The following ARFIP1 variants were observed in gnomAD, a reference collection of about 807,000 sequenced individuals.
ARFIP1 encodes arfaptin-1.
Under a neutral mutation model 42.5 loss-of-function variants are expected in ARFIP1, and 24 were observed. That is an observed-to-expected ratio of 0.57 (90% confidence interval 0.41 to 0.80). The LOEUF is 0.80. Ranked by LOEUF, ARFIP1 falls within the 30% of genes least tolerant of loss-of-function variation. The pLI, the probability that ARFIP1 is intolerant of heterozygous loss-of-function variation, is 0.00. For missense variants in ARFIP1, 354 were observed against 434.0 expected (o/e 0.82, Z 1.64); for synonymous variants, 141 against 153.7 (o/e 0.92, Z 0.61).
chr4:152,847,690 G>T (rs952676939), intron 2 of ARFIP1, among the ~76,000 whole-genome samples: 4 of 152,036 alleles, frequency 2.6e-5, no homozygotes, highest in Admixed American at 6.5e-5. Context: ...TGTAGTATTT[G>T]TAATGGATGC....
chr4:152,857,291 G>C (rs1733522877), intron 2 of ARFIP1, among the ~76,000 whole-genome samples: 1 of 152,112 alleles, frequency 6.6e-6, no homozygotes, highest in East Asian at 1.9e-4. Context: ...AACCGAAGCA[G>C]GTTCTGAAAT....
chr4:152,872,739 T>C (rs953401016), intron 5 of ARFIP1, among the ~76,000 whole-genome samples, 175 bp downstream of exon 5: 1 of 152,214 alleles, frequency 6.6e-6, no homozygotes, highest in Non-Finnish European at 1.5e-5. Context: ...TCTTTGCATG[T>C]AATTTAAGAA....
intron 8 of ARFIP1, among the ~76,000 whole-genome samples, chr4:152,896,751 A>C (rs1737368197): frequency 6.7e-6 from 1 of 148,174 alleles, no homozygotes; most frequent in Non-Finnish European, 1.5e-5. Flanking sequence ...AAGTTAGCTA[A>C]AAAAAAAAAA....
intron 2 of ARFIP1, among the ~76,000 whole-genome samples, chr4:152,836,627 T>C (rs924729090): frequency 6.6e-6 from 1 of 152,204 alleles, no homozygotes; most frequent in African/African-American, 2.4e-5. Flanking sequence ...ATCTTGATAC[T>C]GGTAGTTTAT....
chr4:152,824,436 A>G (rs962954802), intron 1 of ARFIP1, among the ~76,000 whole-genome samples: 1 of 152,254 alleles, frequency 6.6e-6, no homozygotes, highest in African/African-American at 2.4e-5. Flanking sequence ...AATTAAAAAC[A>G]AAAATGGTAT....
At chr4:152,882,143 G>T (rs1735893128) in intron 6 of ARFIP1, among the ~76,000 whole-genome samples, 1 of 152,158 alleles carries the variant, frequency 6.6e-6, no homozygotes, top group Non-Finnish European at 1.5e-5. Context: ...CCAAGATGCA[G>T]TTTATTCAAA....
chr4:152,811,242 T>A (rs1729439436), intron 1 of ARFIP1, among the ~76,000 whole-genome samples: 1 of 152,100 alleles, frequency 6.6e-6, no homozygotes, highest in Non-Finnish European at 1.5e-5. Flanking sequence ...TTACTTAATT[T>A]CCTCAAGTAT....
At chr4:152,809,833 C>T (rs954870102) in intron 1 of ARFIP1, 1 of 152,120 alleles carries the variant, frequency 6.6e-6, no homozygotes, top group African/African-American at 2.4e-5. Flanking sequence ...AAGAAAATCA[C>T]CTATTACAAA....
chr4:152,803,728 T>C (rs1029571107), intron 1 of ARFIP1, among the ~76,000 whole-genome samples: 1 of 151,814 alleles, frequency 6.6e-6, no homozygotes, highest in Non-Finnish European at 1.5e-5. Context: ...GAGTAGGAGG[T>C]TCCTGGATGC....
chr4:152,891,986 G>A (rs751033645), intron 8 of ARFIP1, among the ~76,000 whole-genome samples: 8 of 152,106 alleles, frequency 5.3e-5, no homozygotes, highest in Non-Finnish European at 1.0e-4. Context: ...GGGATTACAG[G>A]CATGAGCCAC....
chr4:152,839,255 T>A (rs1731878610), intron 2 of ARFIP1, among the ~76,000 whole-genome samples: 1 of 152,172 alleles, frequency 6.6e-6, no homozygotes. Context: ...TTTGATTATG[T>A]CCTTTCCTGG....
chr4:152,829,756 A>G (rs1351906529), intron 2 of ARFIP1, 30 bp downstream of exon 2: 2 of 1,508,284 alleles, frequency 1.3e-6, no homozygotes, highest in Admixed American at 1.9e-5. Flanking sequence ...TCTTAATGCA[A>G]AGAATCATGG....
At chr4:152,854,455 A>G (rs1202738452) in intron 2 of ARFIP1, among the ~76,000 whole-genome samples, 1 of 152,028 alleles carries the variant, frequency 6.6e-6, no homozygotes, top group African/African-American at 2.4e-5. Flanking sequence ...TTCTTTTTCC[A>G]AGGTTTCCTG....
At chr4:152,793,372 T>G (rs1731248326) in intron 1 of ARFIP1, among the ~76,000 whole-genome samples, 1 of 149,658 alleles carries the variant, frequency 6.7e-6, no homozygotes, top group African/African-American at 2.4e-5. Context: ...TACCTATCTC[T>G]GTAATTCTCA....
rs190725162 is a variant in ARFIP1 at position 152,798,759 on chromosome 4, C to T, written c.-10+18533C>T. Among the ~76,000 whole-genome samples, 6 of 152,258 alleles carry T rather than the reference C, an allele frequency of 3.9e-5. No homozygotes were observed. The East Asian group carries it at 1.2e-3, about 29-fold the overall frequency. On this transcript the variant is annotated intron_variant, in intron 1 of 8. Coordinates refer to ENST00000353617, the MANE Select transcript of ARFIP1 (RefSeq NM_001025595.3). ...TATCTCTGTGATTAGATTCAGAGTG[C>T]TTTTAGAGCTGGAACTAGAGTTTAC... is the stretch of plus-strand genomic sequence containing the variant.
rs544467246 is a variant in ARFIP1, at chr4:152,856,412, T to C, written c.94-7194T>C. ...TTCAACCAACTGCACTGAAAATGTT[T>C]GGGGAAAATGAAATAAAATGAAAAA... is the stretch of plus-strand genomic sequence containing the variant. On this transcript the variant is annotated intron_variant, in intron 2 of 8. Transcript: ENST00000353617. Among the ~76,000 whole-genome samples, 4 of 152,256 alleles carry C rather than the reference T, an allele frequency of 2.6e-5. No individual in the cohort carries two copies. In the East Asian group the frequency reaches 7.7e-4, roughly 29 times the overall value.
intron 2 of ARFIP1, among the ~76,000 whole-genome samples, chr4:152,862,539 GTAATGGT>G (rs1288775801): frequency 6.6e-6 from 1 of 151,836 alleles, no homozygotes; most frequent in Non-Finnish European, 1.5e-5. Context: ...AAGAAAAGGT[GTAATGGT>G]TTAGAAAAAA....
At chr4:152,790,724 T>G (rs1167312261) in intron 1 of ARFIP1, among the ~76,000 whole-genome samples, 2 of 150,160 alleles carry the variant, frequency 1.3e-5, no homozygotes, top group Non-Finnish European at 1.5e-5. Flanking sequence ...ACTGATGTGT[T>G]TATCTTTTTT....
intron 1 of ARFIP1, among the ~76,000 whole-genome samples, chr4:152,790,964 C>G (rs76945119): frequency 0.037 from 5,650 of 151,806 alleles, 156 homozygotes; most frequent in South Asian, 0.078. Context: ...TCTTGAACTC[C>G]TGGGCTTAAG....
Sources: gnomAD v4.1 joint callset for allele counts (sites outside exome capture counted in the v4.1 genomes callset) on GRCh38, gnomAD v4.1.1 for gene constraint, MANE v1.5 for transcripts, NCBI Gene and HGNC (gene_info 2026-07-23, HGNC 2026-07-21) for gene names.